The following MAP4 variants were observed in gnomAD, a reference collection of about 807,000 sequenced individuals.
MAP4 encodes the protein microtubule-associated protein 4.
A neutral mutation model predicts 170.2 loss-of-function variants in MAP4; 76 were observed. The observed-to-expected ratio is 0.45, with a 90% CI of 0.37 to 0.54. The LOEUF is 0.54. Among genes scored for constraint, MAP4 ranks in the 20% least tolerant of loss-of-function variants. The pLI, the probability that MAP4 is intolerant of heterozygous loss-of-function variation, is 0.00. For missense variants in MAP4, 2,506 were observed against 2,748.0 expected (o/e 0.91, Z 1.97); for synonymous variants, 909 against 994.5 (o/e 0.91, Z 1.62).
chr3:47,987,241 A>T, intron 2 of MAP4: 1 of 539,380 alleles, frequency 1.9e-6, no homozygotes. Flanking sequence ...TAAATGTGTC[A>T]TTCTCCATGA....
At chr3:47,938,162 A>C (rs1378357428) in intron 3 of MAP4, among the ~76,000 whole-genome samples, 1 of 151,476 alleles carries the variant, frequency 6.6e-6, no homozygotes, top group Non-Finnish European at 1.5e-5. Flanking sequence ...ACTTGAGGTC[A>C]GGAGTTAGAG....
At chr3:48,080,801 A>C (rs1317570099) in intron 1 of MAP4, among the ~76,000 whole-genome samples, 1 of 152,154 alleles carries the variant, frequency 6.6e-6, no homozygotes, top group Non-Finnish European at 1.5e-5. Context: ...TAACATGGGG[A>C]AACTCTGTCT....
intron 3 of MAP4, among the ~76,000 whole-genome samples, chr3:47,928,897 T>G (rs144863718): frequency 5.7e-4 from 86 of 150,832 alleles, no homozygotes; most frequent in Non-Finnish European, 2.1e-4. Flanking sequence ...TTCAATACTG[T>G]TAAGATGGCA....
chr3:47,999,613 A>C (rs2100098062), intron 1 of MAP4, among the ~76,000 whole-genome samples: 2 of 152,164 alleles, frequency 1.3e-5, no homozygotes, highest in Admixed American at 1.3e-4. Flanking sequence ...CAGAAAACCA[A>C]ATACCACATG....
intron 1 of MAP4, among the ~76,000 whole-genome samples, chr3:48,085,250 C>T (rs56771190): frequency 0.014 from 1,845 of 131,106 alleles, 41 homozygotes; most frequent in African/African-American, 0.049. Context: ...CAAAAGTTTA[C>T]AGAGCCAAAG....
intron 10 of MAP4, among the ~76,000 whole-genome samples, chr3:47,879,523 A>C (rs2096270504): frequency 6.6e-6 from 1 of 152,176 alleles, no homozygotes; most frequent in Non-Finnish European, 1.5e-5. Flanking sequence ...CCAAGTGTTG[A>C]TATCCTACGT....
intron 3 of MAP4, chr3:47,975,284 T>C: frequency 4.1e-6 from 6 of 1,470,474 alleles, no homozygotes; most frequent in African/African-American, 1.4e-5. Flanking sequence ...AAGCAGGTTG[T>C]TTGCTCAGGC....
chr3:47,860,915 G>A (rs1330637847), intron 17 of MAP4, among the ~76,000 whole-genome samples: 1 of 152,092 alleles, frequency 6.6e-6, no homozygotes, highest in Non-Finnish European at 1.5e-5. Context: ...TACCCATCAA[G>A]GAAATTACCA....
chr3:47,983,433 C>G (rs1405785391), intron 2 of MAP4, among the ~76,000 whole-genome samples: 2 of 152,128 alleles, frequency 1.3e-5, no homozygotes, highest in African/African-American at 2.4e-5. Context: ...GTCACCCAGG[C>G]TGGAGTGCAG....
In MAP4 at chr3:48,042,069, C is replaced by T. The variant is rs1190463181; in HGVS notation, c.-19-43190G>A. 4.6e-5 allele frequency among the ~76,000 whole-genome samples: 7 copies of T among 152,204 alleles called. No individual in the cohort carries two copies. The South Asian group carries it at 6.2e-4, about 14-fold the overall frequency. On this transcript the variant is annotated intron_variant, in intron 1 of 18. Transcript: ENST00000360240. ...TAATAAACTGGTAAACATGTGTTTT[C>T]GAGTTGTGCGAGCTGCTCTAGCAAG...
At chr3:48,035,000 G>C (rs2100118046) in intron 1 of MAP4, among the ~76,000 whole-genome samples, 1 of 152,056 alleles carries the variant, frequency 6.6e-6, no homozygotes, top group African/African-American at 2.4e-5. Context: ...GAGACAGAGA[G>C]TGAGACACTG....
intron 9 of MAP4, among the ~76,000 whole-genome samples, chr3:47,905,230 C>T (rs1414514289): frequency 6.6e-6 from 1 of 152,124 alleles, no homozygotes; most frequent in Non-Finnish European, 1.5e-5. Context: ...GAAACAGTGA[C>T]TTCAAGAAAA....
At chr3:47,987,503 T>G in intron 2 of MAP4, 1 of 1,061,716 alleles carries the variant, frequency 9.4e-7, no homozygotes, top group Non-Finnish European at 1.3e-6. Flanking sequence ...TCTTAAAGGA[T>G]TTTAGAACAA....
chr3:47,939,230 ACT>A (rs1359573325), intron 3 of MAP4, among the ~76,000 whole-genome samples: 2 of 152,214 alleles, frequency 1.3e-5, no homozygotes, highest in East Asian at 3.8e-4. Flanking sequence ...ATTCACTGTT[ACT>A]AGGAAAGAAT....
chr3:47,996,244 C>T (rs2100095524), intron 2 of MAP4, among the ~76,000 whole-genome samples: 1 of 152,094 alleles, frequency 6.6e-6, no homozygotes, highest in Non-Finnish European at 1.5e-5. Context: ...ACTTTATAAA[C>T]CTGAGAGAGG....
rs751182399 is a variant in MAP4 at position 47,917,112 on chromosome 3, A to G, written c.715T>C (p.Leu239=). 3.1e-6 allele frequency: 5 copies of G among 1,613,966 alleles called. No individual in the cohort carries two copies. In the African/African-American group the frequency reaches 4.0e-5, roughly 13 times the overall value. ...ASEERPPAQA[L]EIMMGLKTTD... ...GTCTTCAGTCCCATCATTATTTCCAATGCTTGTGCTGGTGGCCTCTCTTCT... is the reference window on the plus strand; with the variant it reads ...GTCTTCAGTCCCATCATTATTTCCAGTGCTTGTGCTGGTGGCCTCTCTTCT... Residue 239 remains leucine, a synonymous_variant, in exon 7 of 21, where the codon TTG becomes CTG. Coordinates refer to ENST00000683076, the MANE Select transcript of MAP4 (RefSeq NM_001385682.1).
At chr3:48,048,773 G>A (rs2100125956) in intron 1 of MAP4, among the ~76,000 whole-genome samples, 1 of 151,946 alleles carries the variant, frequency 6.6e-6, no homozygotes, top group African/African-American at 2.4e-5. Flanking sequence ...CTGTTAACTA[G>A]ACTACAGACC....
chr3:48,052,309 C>T (rs1559861263), intron 1 of MAP4, among the ~76,000 whole-genome samples: 2 of 152,224 alleles, frequency 1.3e-5, no homozygotes, highest in African/African-American at 2.4e-5. Flanking sequence ...GCAACCTCCA[C>T]GTCCTGGTTC....
At chr3:47,992,766 T>TG in intron 2 of MAP4, among the ~76,000 whole-genome samples, 1 of 152,062 alleles carries the variant, frequency 6.6e-6, no homozygotes, top group East Asian at 1.9e-4. Context: ...TAGCTGGGCA[T>TG]GGTAGCATGT....
Sources: gnomAD v4.1 joint callset for allele counts (sites outside exome capture counted in the v4.1 genomes callset) on GRCh38, gnomAD v4.1.1 for gene constraint, MANE v1.5 for transcripts, NCBI Gene and HGNC (gene_info 2026-07-23, HGNC 2026-07-21) for gene names.